The following KIF1A variants were observed in gnomAD, a reference collection of about 807,000 sequenced individuals.
The protein encoded by KIF1A is kinesin family member 1A.
Under a neutral mutation model 227.3 loss-of-function variants are expected in KIF1A, and 46 were observed. The ratio of observed to expected loss-of-function variants is 0.20; its 90% CI spans 0.16 to 0.26. The LOEUF is 0.26. Among genes scored for constraint, KIF1A ranks in the 10% least tolerant of loss-of-function variants. KIF1A has a pLI of 1.00. For synonymous variants in KIF1A, 1,022 were observed against 1,012.8 expected (o/e 1.01, Z -0.17); for missense variants, 1,683 against 2,485.9 (o/e 0.68, Z 6.87).
chr2:240,787,374 G>T, intron 4 of KIF1A, 58 bp from the exon 5 acceptor site: 2 of 1,487,270 alleles, frequency 1.3e-6, no homozygotes, highest in Non-Finnish European at 1.9e-6. Flanking sequence ...CTGGATCCCT[G>T]CCCCTTGCGA....
intron 1 of KIF1A, among the ~76,000 whole-genome samples, chr2:240,810,056 C>T (rs916910028): frequency 4.6e-5 from 7 of 152,080 alleles, no homozygotes; most frequent in Non-Finnish European, 8.8e-5. Context: ...TCAAGTGATC[C>T]ACCCACCTCG....
At chr2:240,750,603 G>C in intron 27 of KIF1A, 56 bp from the exon 28 acceptor site, 2 of 1,232,306 alleles carry the variant, frequency 1.6e-6, no homozygotes, top group Middle Eastern at 1.9e-4. Flanking sequence ...TGTTCTGAAC[G>C]GCAGCGGTGG....
rs1232070609 is a variant in KIF1A, at chr2:240,780,830, CCACACACACACACAGCTCCA to C, written c.882+1740_882+1759del. On this transcript the variant is annotated intron_variant, in intron 10 of 48. Transcript: ENST00000498729. ...CACACACACACACACACACACAGCTCCACACACACACACAGCTCCACACACACACACACAGCTCCACACAC... is the reference window on the plus strand; with the variant it reads ...CACACACACACACACACACACAGCTCCACACACACACACAGCTCCACACAC... Among the ~76,000 whole-genome samples the C allele has an allele frequency of 5.7e-3, 57 of 10,068 alleles. 1 individual carries two copies. Among genetic ancestry groups the C allele is most frequent in the Non-Finnish European group, 7.6e-3 (42 of 5,508 alleles). 6.6% of individuals were successfully genotyped at this position (10,068 alleles called of 152,430 possible).
At chr2:240,743,900 T>TTG (rs1244194086) in intron 33 of KIF1A, 42 bp downstream of exon 33, 1 of 1,305,450 alleles carries the variant, frequency 7.7e-7, no homozygotes, top group African/African-American at 1.5e-5. Context: ...GGCAGGGGCT[T>TTG]TGAGGACAGC....
intron 25 of KIF1A, among the ~76,000 whole-genome samples, chr2:240,759,569 A>G (rs1361271838): frequency 9.3e-6 from 1 of 107,822 alleles, no homozygotes; most frequent in African/African-American, 3.8e-5. Flanking sequence ...GCCTTCCCCT[A>G]CTCCTACTCC....
chr2:240,742,583 C>T (rs188287692), intron 34 of KIF1A, among the ~76,000 whole-genome samples: 1 of 152,170 alleles, frequency 6.6e-6, no homozygotes. Context: ...CAGCCTCAGA[C>T]CCCCGTGAAG....
rs115830589 is a variant in KIF1A, at chr2:240,756,098, G to A, written c.2858+1221C>T. ...ATGAGGACCTGCTGTCTTCCAAGAG[G>A]GAGGGTGAGGCTTTCCTTCCACCAT... On this transcript the variant is annotated intron_variant, in intron 27 of 48. Transcript: ENST00000498729. 5.1e-3 allele frequency among the ~76,000 whole-genome samples: 780 copies of A among 152,228 alleles called. 2 individuals are homozygous for A. Among genetic ancestry groups the A allele is most frequent in the Non-Finnish European group, 7.6e-3 (517 of 68,026 alleles).
At chr2:240,754,602 G>A (rs2049613273) in intron 27 of KIF1A, among the ~76,000 whole-genome samples, 1 of 152,234 alleles carries the variant, frequency 6.6e-6, no homozygotes, top group Non-Finnish European at 1.5e-5. Flanking sequence ...TCTCTGCCCA[G>A]TGGAGACACC....
intron 6 of KIF1A, 70 bp from the exon 7 acceptor site, chr2:240,785,170 A>G (rs573603393): frequency 7.8e-7 from 1 of 1,288,116 alleles, no homozygotes; most frequent in Admixed American, 1.7e-5. Context: ...CGGTGGTGCC[A>G]GCCCTCTGAA....
At position 240,716,969 on chromosome 2, in the gene KIF1A, AATACTT is replaced by A. The variant is rs2044645653; in HGVS notation, c.*389_*394del. On this transcript the variant is annotated 3_prime_UTR_variant, in exon 49 of 49. Coordinates refer to ENST00000498729, the MANE Select transcript of KIF1A (RefSeq NM_001244008.2). ...GGGCTATGTGGAGGCATTAGAAATA[AATACTT>A]ATAAATAGAACAAGTCTTATAGTTA... 1 of 180,074 alleles carries A rather than the reference AATACTT, an allele frequency of 5.6e-6. No individual in the cohort carries two copies. Among genetic ancestry groups the A allele is most frequent in the South Asian group, 1.8e-4 (1 of 5,464 alleles). The allele number at this position is 180,074 out of a possible 1,614,324, so 11.2% of individuals were successfully genotyped here. A position where few individuals can be genotyped will look rare whatever the true frequency, so the allele number is the denominator to read the frequency against.
At chr2:240,767,708 T>C (rs74002919) in intron 17 of KIF1A, among the ~76,000 whole-genome samples, 7,895 of 152,340 alleles carry the variant, frequency 0.052, 437 homozygotes, top group African/African-American at 0.13. Flanking sequence ...CCCCCAGATG[T>C]GCAGACCACA....
At chr2:240,755,263 G>A (rs995551880) in intron 27 of KIF1A, among the ~76,000 whole-genome samples, 9 of 152,246 alleles carry the variant, frequency 5.9e-5, no homozygotes, top group Non-Finnish European at 8.8e-5. Flanking sequence ...TAGGCCTTCC[G>A]CAGAGGCCAG....
rs1575526007 is a variant in KIF1A, at chr2:240,725,657, A to C, written c.4123-253T>G. 2.1e-6 allele frequency: 1 copy of C among 471,190 alleles called. No individual in the cohort carries two copies. 29.2% of individuals were successfully genotyped at this position (471,190 alleles called of 1,614,324 possible). A position where few individuals can be genotyped will look rare whatever the true frequency, so the allele number is the denominator to read the frequency against. On this transcript the variant is annotated intron_variant, in intron 39 of 48. Transcript: ENST00000498729. This position sits in a 1 kb window ranked among gnomAD's most constrained non-coding sequence, Gnocchi z 5.8. ...GAGGGACTGGTCTCCATGTGTGGGGACCCCGAGGGTCCCAGACATAGGCTC... is the reference window on the plus strand; with the variant it reads ...GAGGGACTGGTCTCCATGTGTGGGGCCCCCGAGGGTCCCAGACATAGGCTC...
chr2:240,804,339 C>T (rs74002941), intron 1 of KIF1A, among the ~76,000 whole-genome samples: 2,017 of 152,290 alleles, frequency 0.013, 34 homozygotes, highest in African/African-American at 0.045. Context: ...TCTACTTCTG[C>T]AGTATGGTGG....
rs2045427297 is a variant in KIF1A, at chr2:240,721,811, C to T, written c.4739G>A (p.Ser1580Asn). 6.2e-7 allele frequency: 1 copy of T among 1,604,070 alleles called. No individual in the cohort carries two copies. Among genetic ancestry groups the T allele is most frequent in the Non-Finnish European group, 8.5e-7 (1 of 1,178,786 alleles). ...GTGCAGCCCCTCTGCACCCACCTTG[C>T]TCTCGCTGGCACTGACGCAGACGTG... is the stretch of plus-strand genomic sequence containing the variant. ...HSHVCVSASE[S>N]KLSEMSVTLL... The change falls in exon 44 of 49, where the codon AGC (serine) becomes AAC (asparagine). Residue 1580 changes from serine (S) to asparagine (N), a missense_variant. Around this residue, in one of 12 missense-constraint regions of KIF1A, gnomAD observed 384 missense variants for 410.1 expected, o/e 0.94. Transcript: ENST00000498729.
chr2:240,720,964 G>A lies in KIF1A; in HGVS notation c.4818C>T (p.Ser1606=). ...CTTCAACCAGAGAGGGGCAAGTGGA[G>A]GAGGGGGTGAGAGTGGCCACCCCTA... The part of the protein sequence containing the change: ...SPLGVATLTP[S]STCPSLVEGR... The change falls in exon 45 of 49, where the codon TCC becomes TCT. Residue 1606 remains serine (S), a synonymous_variant. Coordinates refer to ENST00000498729, the MANE Select transcript of KIF1A (RefSeq NM_001244008.2). The A allele has an allele frequency of 6.2e-7, 1 of 1,603,554 alleles. No individual in the cohort carries two copies. The highest frequency in any genetic ancestry group is 8.5e-7 in the Non-Finnish European group (1 of 1,175,560).
chr2:240,760,758 C>G lies in KIF1A; in HGVS notation c.2351G>C (p.Arg784Pro), dbSNP rs375290825. The change falls in exon 25 of 49, where the codon CGA (arginine) becomes CCA (proline). Residue 784 changes from arginine (R) to proline (P), a missense_variant. Transcript: ENST00000498729. ...DLLPPEAAKD[R>P]ETRPFPRTIV... is the part of the protein sequence containing the mutation. ...GGTGCGGGGGAAGGGCCGCGTCTCT[C>G]GGTCTTTGGCGGCCTCTGGGGGCAG... is the stretch of plus-strand genomic sequence containing the variant. 1.2e-6 allele frequency: 2 copies of G among 1,601,162 alleles called. No homozygotes were observed. The highest frequency in any genetic ancestry group is 1.7e-6 in the Non-Finnish European group (2 of 1,174,354).
intron 10 of KIF1A, among the ~76,000 whole-genome samples, chr2:240,776,731 A>T (rs1184945897): frequency 6.6e-6 from 1 of 152,216 alleles, no homozygotes; most frequent in Admixed American, 6.5e-5. Flanking sequence ...CCGGCAGATG[A>T]GGCCTCTGAC....
intron 9 of KIF1A, 111 bp from the exon 10 acceptor site, chr2:240,782,718 C>T (rs2054232175): frequency 3.5e-6 from 4 of 1,157,046 alleles, no homozygotes; most frequent in Non-Finnish European, 2.5e-6. Flanking sequence ...GACTCAGGCT[C>T]TACCACCCCG....
Sources: gnomAD v4.1 joint callset for allele counts (sites outside exome capture counted in the v4.1 genomes callset) on GRCh38, gnomAD v4.1.1 for gene constraint, gnomAD v4.1.1 regional missense constraint, Gnocchi (gnomAD v3.1) non-coding constraint, MANE v1.5 for transcripts, NCBI Gene and HGNC (gene_info 2026-07-23, HGNC 2026-07-21) for gene names.